PCMTD2: variants seen among roughly 807,000 people sequenced by gnomAD.
PCMTD2 encodes the protein protein-L-isoaspartate O-methyltransferase domain-containing protein 2.
PCMTD2 carries 16 observed loss-of-function variants against 33.4 expected under a neutral mutation model. That is an observed-to-expected ratio of 0.48 (90% CI 0.32 to 0.73). The LOEUF (loss-of-function observed/expected upper bound fraction) is 0.73, where lower values mean the gene tolerates loss of function less well. Ranked by LOEUF, PCMTD2 falls within the 30% of genes least tolerant of loss-of-function variation. PCMTD2 has a pLI of 0.03. For missense variants in PCMTD2, 374 were observed against 449.9 expected (o/e 0.83, Z 1.53); for synonymous variants, 161 against 160.8 (o/e 1.00, Z -0.01).
At chr20:64,266,068 T>G (rs898856478) in intron 4 of PCMTD2, among the ~76,000 whole-genome samples, 2 of 152,144 alleles carry the variant, frequency 1.3e-5, no homozygotes, top group Non-Finnish European at 2.9e-5. Flanking sequence ...GAGGTTTTAA[T>G]TGTTTTAATA....
chr20:64,264,622 A>T, intron 3 of PCMTD2, 91 bp downstream of exon 3: 1 of 700,800 alleles, frequency 1.4e-6, no homozygotes, highest in Non-Finnish European at 2.6e-6. Context: ...GTGGTAGGAA[A>T]CATAATTAAA....
intron 1 of PCMTD2, chr20:64,258,674 A>C (rs1406196079): frequency 1.3e-5 from 2 of 152,160 alleles, no homozygotes; most frequent in African/African-American, 4.8e-5. Context: ...TCCTCATTCT[A>C]CTGTTAGAAA....
At position 64,274,150 on chromosome 20, in the gene PCMTD2, A is replaced by G. The variant is rs1044471584; in HGVS notation, c.*550A>G. The G allele has an allele frequency of 3.9e-5, 6 of 152,288 alleles. No homozygotes were observed. Among genetic ancestry groups the G allele is most frequent in the African/African-American group, 1.2e-4 (5 of 41,468 alleles). 9.4% of individuals were successfully genotyped at this position (152,288 alleles called of 1,614,324 possible). A position where few individuals can be genotyped will look rare whatever the true frequency, so the allele number is the denominator to read the frequency against. On this transcript the variant is annotated 3_prime_UTR_variant, in exon 6 of 6. Transcript: ENST00000308824. ...TTTCTTAGTTTTCTAGTGGGGAAAC[A>G]TTATTGAGAAGCCCTCCCTTATTTT...
At chr20:64,261,676 A>G (rs1003857585) in intron 2 of PCMTD2, among the ~76,000 whole-genome samples, 15 of 152,132 alleles carry the variant, frequency 9.9e-5, no homozygotes, top group Non-Finnish European at 1.3e-4. Flanking sequence ...TTTATGCTAT[A>G]GATTGCTACC....
intron 2 of PCMTD2, among the ~76,000 whole-genome samples, chr20:64,260,941 GCCT>G (rs1402503104): frequency 6.6e-6 from 1 of 152,026 alleles, no homozygotes; most frequent in Non-Finnish European, 1.5e-5. Context: ...CTCTCCACCT[GCCT>G]CAGCCTCCCA....
At chr20:64,264,302 T>C (rs1985558331) in intron 2 of PCMTD2, 127 bp from the exon 3 acceptor site, 2 of 613,440 alleles carry the variant, frequency 3.3e-6, no homozygotes, top group Admixed American at 5.8e-5. Flanking sequence ...GTGATGAGAC[T>C]TCAAAACTTT....
At chr20:64,272,097 G>A (rs1462258660) in intron 5 of PCMTD2, 2 of 407,766 alleles carry the variant, frequency 4.9e-6, no homozygotes, top group African/African-American at 4.3e-5. Flanking sequence ...TGTCTGTGGA[G>A]TCAGAAAAGC....
Position 64,257,091 on chromosome 20 carries a change from C to G in PCMTD2, c.-25+1221C>G, listed in dbSNP as rs1189416679. 2.0e-5 allele frequency: 3 copies of G among 152,248 alleles called. No individual in the cohort carries two copies. In the East Asian group the frequency reaches 5.8e-4, roughly 29 times the overall value. 9.4% of individuals were successfully genotyped at this position (152,248 alleles called of 1,614,324 possible). ...TGTGTGTTTGTTTGATCATTCTGCCCAAAGGAGATGTGGCTTTGGGTCCTT... is the reference window on the plus strand; with the variant it reads ...TGTGTGTTTGTTTGATCATTCTGCCGAAAGGAGATGTGGCTTTGGGTCCTT... On this transcript the variant is annotated intron_variant, in intron 1 of 5. Coordinates refer to ENST00000308824, the MANE Select transcript of PCMTD2 (RefSeq NM_018257.3).
At chr20:64,272,903 T>C (rs1278194997) in intron 5 of PCMTD2, among the ~76,000 whole-genome samples, 1 of 152,182 alleles carries the variant, frequency 6.6e-6, no homozygotes, top group East Asian at 1.9e-4. Flanking sequence ...AATAATAGAA[T>C]AATGAAACTG....
intron 4 of PCMTD2, 97 bp from the exon 5 acceptor site, chr20:64,267,790 C>A: frequency 9.9e-7 from 1 of 1,005,056 alleles, no homozygotes; most frequent in Non-Finnish European, 1.5e-6. Flanking sequence ...TTATTGTAAG[C>A]ATTTCTATGT....
chr20:64,259,320 G>GT (rs1411809765), intron 1 of PCMTD2, among the ~76,000 whole-genome samples: 2 of 151,560 alleles, frequency 1.3e-5, no homozygotes, highest in Non-Finnish European at 2.9e-5. Context: ...GTACTTTTGT[G>GT]TATGTTGGGG....
intron 2 of PCMTD2, among the ~76,000 whole-genome samples, chr20:64,263,667 AGAT>A (rs1175197458): frequency 6.6e-6 from 1 of 152,218 alleles, no homozygotes; most frequent in Admixed American, 6.5e-5. Flanking sequence ...AGCCACAGCA[AGAT>A]GCAGAGTTGA....
At chr20:64,264,909 C>G (rs568769084) in intron 3 of PCMTD2, among the ~76,000 whole-genome samples, 78 of 152,320 alleles carry the variant, frequency 5.1e-4, no homozygotes, top group Admixed American at 2.4e-3. Flanking sequence ...ACACCAAGTG[C>G]AGTTTCACCA....
intron 2 of PCMTD2, among the ~76,000 whole-genome samples, chr20:64,261,602 GTT>G (rs11474881): frequency 6.7e-6 from 1 of 150,120 alleles, no homozygotes; most frequent in African/African-American, 2.4e-5. Context: ...TGATAATTTT[GTT>G]TTTTTTTTCT....
intron 2 of PCMTD2, among the ~76,000 whole-genome samples, chr20:64,260,544 T>C (rs1451862730): frequency 6.6e-6 from 1 of 152,118 alleles, no homozygotes; most frequent in Non-Finnish European, 1.5e-5. Context: ...GCACCTGCCC[T>C]CTGGACAGCG....
In PCMTD2 at chr20:64,274,404, TG is replaced by T. The variant is rs1249674560; in HGVS notation, c.*805del. ...AAAAGGAAACAGATTTTTTCCTGTGTGTAAGCAATAAGTGAAGTTACATTTG... is the reference window on the plus strand; with the variant it reads ...AAAAGGAAACAGATTTTTTCCTGTGTTAAGCAATAAGTGAAGTTACATTTG... On this transcript the variant is annotated 3_prime_UTR_variant, in exon 6 of 6. Transcript: ENST00000308824. 6.6e-6 allele frequency: 1 copy of T among 152,022 alleles called. No homozygotes were observed. The highest frequency in any genetic ancestry group is 2.4e-5 in the African/African-American group (1 of 41,366). 9.4% of individuals were successfully genotyped at this position (152,022 alleles called of 1,614,324 possible).
intron 1 of PCMTD2, among the ~76,000 whole-genome samples, chr20:64,259,451 C>T (rs1351106147): frequency 2.1e-5 from 3 of 143,052 alleles, no homozygotes; most frequent in East Asian, 2.1e-4. Context: ...TGCAGTGGTA[C>T]GAGCTCTGAT....
At chr20:64,256,989 C>CG (rs1356054141) in intron 1 of PCMTD2, 2 of 152,158 alleles carry the variant, frequency 1.3e-5, no homozygotes, top group African/African-American at 4.8e-5. Context: ...CATCCGAAGT[C>CG]GGAGACCATC....
Position 64,273,622 on chromosome 20 carries a change from A to T in PCMTD2, c.*22A>T. On this transcript the variant is annotated 3_prime_UTR_variant, in exon 6 of 6. Coordinates refer to ENST00000308824, the MANE Select transcript of PCMTD2 (RefSeq NM_018257.3). ...ATAAGTCTCCTGTTTGAAAGGGGGAAATAGGAAGAGCAGATTGCTGAGTGT... is the reference window on the plus strand; with the variant it reads ...ATAAGTCTCCTGTTTGAAAGGGGGATATAGGAAGAGCAGATTGCTGAGTGT... The T allele has an allele frequency of 1.3e-6, 2 of 1,512,456 alleles. No homozygotes were observed. The highest frequency in any genetic ancestry group is 1.8e-6 in the Non-Finnish European group (2 of 1,133,722). The allele number at this position is 1,512,456 out of a possible 1,614,324, so 93.7% of individuals were successfully genotyped here. A position where few individuals can be genotyped will look rare whatever the true frequency, so the allele number is the denominator to read the frequency against.
Sources: allele counts gnomAD v4.1 joint callset (sites outside exome capture counted in the v4.1 genomes callset), GRCh38; gene constraint gnomAD v4.1.1; transcripts MANE v1.5; gene names NCBI Gene and HGNC (gene_info 2026-07-23, HGNC 2026-07-21).